GRID1: variants seen among roughly 807,000 people sequenced by gnomAD.
GRID1 encodes glutamate receptor ionotropic, delta-1.
Under a neutral mutation model 98.0 loss-of-function variants are expected in GRID1, and 28 were observed. That is an observed-to-expected ratio of 0.29 (90% CI 0.21 to 0.39). The LOEUF (loss-of-function observed/expected upper bound fraction) is 0.39, where lower values mean the gene tolerates loss of function less well. GRID1 is among the 10% of genes least tolerant of loss of function. GRID1 has a pLI of 1.00. For synonymous variants in GRID1, 553 were observed against 538.5 expected (o/e 1.03, Z -0.37); for missense variants, 1,111 against 1,340.5 (o/e 0.83, Z 2.67).
intron 12 of GRID1, chr10:85,650,377 C>A (rs982621489): frequency 6.6e-6 from 1 of 152,196 alleles, no homozygotes; most frequent in East Asian, 1.9e-4. Context: ...GTCCAGGTAC[C>A]CCCACCACAG....
At chr10:85,904,283 A>G (rs548642369) in intron 5 of GRID1, among the ~76,000 whole-genome samples, 2 of 152,350 alleles carry the variant, frequency 1.3e-5, no homozygotes, top group Admixed American at 1.3e-4. Context: ...AAAATAGGCA[A>G]TGAAGAATAG....
intron 5 of GRID1, among the ~76,000 whole-genome samples, chr10:85,901,059 C>T (rs1387053560): frequency 1.3e-5 from 2 of 152,096 alleles, no homozygotes; most frequent in Admixed American, 6.5e-5. Context: ...CAGAACAGAA[C>T]TATAAATGCT....
At chr10:86,350,989 T>C (rs35128308) in intron 2 of GRID1, among the ~76,000 whole-genome samples, 63,139 of 152,048 alleles carry the variant, frequency 0.42, 14,286 homozygotes, top group Admixed American at 0.53. Context: ...TTCCACTCTC[T>C]ACTTCTATGA....
At chr10:86,087,691 G>A (rs1166786089) in intron 4 of GRID1, among the ~76,000 whole-genome samples, 2 of 152,086 alleles carry the variant, frequency 1.3e-5, no homozygotes, top group Non-Finnish European at 2.9e-5. Context: ...TTGGGTCCCT[G>A]TCCACACAAT....
chr10:85,958,397 TTA>T (rs1460168764), intron 4 of GRID1, among the ~76,000 whole-genome samples: 3 of 152,230 alleles, frequency 2.0e-5, no homozygotes, highest in Non-Finnish European at 2.9e-5. Context: ...ATTGTTAATT[TTA>T]TATGTCTATT....
At chr10:86,125,777 G>A (rs1410397219) in intron 4 of GRID1, among the ~76,000 whole-genome samples, 4 of 152,100 alleles carry the variant, frequency 2.6e-5, no homozygotes, top group Admixed American at 6.6e-5. Context: ...TAACAAGGAC[G>A]AAGACCTCTA....
chr10:85,699,639 A>G (rs373522410), intron 12 of GRID1, among the ~76,000 whole-genome samples: 1 of 152,178 alleles, frequency 6.6e-6, no homozygotes, highest in Admixed American at 6.5e-5. Context: ...TAAAAATCAG[A>G]GGCTTATAGT....
At chr10:85,830,873 T>G (rs1321836545) in intron 8 of GRID1, among the ~76,000 whole-genome samples, 1 of 152,174 alleles carries the variant, frequency 6.6e-6, no homozygotes, top group Non-Finnish European at 1.5e-5. Context: ...GTAATGTAAA[T>G]TAGCTCAGCC....
intron 3 of GRID1, among the ~76,000 whole-genome samples, chr10:86,147,150 G>T (rs1224477022): frequency 2.0e-5 from 3 of 152,158 alleles, no homozygotes; most frequent in Non-Finnish European, 2.9e-5. Context: ...AGAGCGTCTT[G>T]TCTGGGAGGG....
chr10:85,736,390 A>G (rs1288696774), intron 8 of GRID1, among the ~76,000 whole-genome samples: 1 of 152,190 alleles, frequency 6.6e-6, no homozygotes, highest in Non-Finnish European at 1.5e-5. Flanking sequence ...ATCCAACAAG[A>G]CAATGGATCA....
chr10:86,237,166 G>T (rs1339844970), intron 2 of GRID1, among the ~76,000 whole-genome samples: 1 of 152,050 alleles, frequency 6.6e-6, no homozygotes, highest in Admixed American at 6.5e-5. Context: ...CTATGTTAAG[G>T]GCTGAACTGT....
chr10:86,336,945 C>T (rs1193650646), intron 2 of GRID1, among the ~76,000 whole-genome samples: 2 of 151,496 alleles, frequency 1.3e-5, no homozygotes, highest in African/African-American at 2.4e-5. Context: ...CCTGGGTTCA[C>T]GCCATTCTCC....
intron 8 of GRID1, among the ~76,000 whole-genome samples, chr10:85,747,507 A>G (rs756538813): frequency 5.9e-5 from 9 of 152,068 alleles, no homozygotes; most frequent in Non-Finnish European, 1.3e-4. Flanking sequence ...TAGAAACCTC[A>G]TAGGGCTCAG....
At chr10:85,882,990 T>C (rs1467812840) in intron 5 of GRID1, among the ~76,000 whole-genome samples, 1 of 152,146 alleles carries the variant, frequency 6.6e-6, no homozygotes, top group African/African-American at 2.4e-5. Context: ...TTCTAGAAAT[T>C]AGAAGCCTTA....
intron 4 of GRID1, among the ~76,000 whole-genome samples, chr10:86,045,984 A>G (rs1843417827): frequency 6.6e-6 from 1 of 152,118 alleles, no homozygotes; most frequent in Non-Finnish European, 1.5e-5. Flanking sequence ...GTGATTTTGA[A>G]GTAGGAGGTG....
At chr10:86,089,395 C>T (rs1004302777) in intron 4 of GRID1, among the ~76,000 whole-genome samples, 3 of 150,570 alleles carry the variant, frequency 2.0e-5, no homozygotes, top group Non-Finnish European at 4.4e-5. Flanking sequence ...AACCTGGAAC[C>T]CTCATTTGAC....
intron 8 of GRID1, among the ~76,000 whole-genome samples, chr10:85,853,545 A>G (rs556867177): frequency 1.3e-5 from 2 of 151,402 alleles, no homozygotes; most frequent in African/African-American, 4.9e-5. Flanking sequence ...AGACCAAGCC[A>G]CTGTGGCCCA....
chr10:86,061,478 C>A (rs561524876), intron 4 of GRID1, among the ~76,000 whole-genome samples: 1 of 152,322 alleles, frequency 6.6e-6, no homozygotes, highest in African/African-American at 2.4e-5. Context: ...TCTGGCTCGC[C>A]CTCTCCAATC....
intron 8 of GRID1, among the ~76,000 whole-genome samples, chr10:85,777,181 G>A (rs1367360850): frequency 6.6e-6 from 1 of 152,096 alleles, no homozygotes; most frequent in African/African-American, 2.4e-5. Flanking sequence ...CCTAATAAGT[G>A]GGCATCTAAA....
Sources: gnomAD v4.1 joint callset for allele counts (sites outside exome capture counted in the v4.1 genomes callset) on GRCh38, gnomAD v4.1.1 for gene constraint, MANE v1.5 for transcripts, NCBI Gene and HGNC (gene_info 2026-07-23, HGNC 2026-07-21) for gene names.